The following MYO9B variants were observed in gnomAD, a reference collection of about 807,000 sequenced individuals.
MYO9B encodes the protein unconventional myosin-IXb.
A neutral mutation model predicts 229.5 loss-of-function variants in MYO9B; 71 were observed. That is an observed-to-expected ratio of 0.31 (90% confidence interval 0.26 to 0.38). The LOEUF is 0.38. Ranked by LOEUF, MYO9B falls within the 10% of genes least tolerant of loss-of-function variation. MYO9B has a pLI of 1.00. For missense variants in MYO9B, 2,255 were observed against 2,920.5 expected, an observed-to-expected ratio of 0.77 and a Z score of 5.25; for synonymous variants, 1,185 against 1,235.8, an observed-to-expected ratio of 0.96 and a Z score of 0.86.
intron 15 of MYO9B, 56 bp downstream of exon 15, chr19:17,181,096 C>T: frequency 1.5e-6 from 2 of 1,291,454 alleles, no homozygotes; most frequent in Non-Finnish European, 2.2e-6. Context: ...CCCACTACTC[C>T]TGCGACCCCG....
At chr19:17,076,479 G>T (rs1163125534) in intron 1 of MYO9B, among the ~76,000 whole-genome samples, 2 of 152,114 alleles carry the variant, frequency 1.3e-5, no homozygotes, top group Non-Finnish European at 2.9e-5. Context: ...TAAGAACTGA[G>T]GGTAGGCTTA....
rs2145461064 is a variant in MYO9B at position 17,195,289 on chromosome 19, C to T, written c.3862C>T (p.Pro1288Ser). 1 of 1,612,488 alleles carries T rather than the reference C, an allele frequency of 6.2e-7. No homozygotes were observed. The highest frequency in any genetic ancestry group is 2.2e-5 in the East Asian group (1 of 44,830). Residue 1288 changes from proline to serine, a missense_variant, in exon 22 of 40, where the codon CCC becomes TCC. Coordinates refer to ENST00000682292, the MANE Select transcript of MYO9B (RefSeq NM_004145.4). The surrounding 1 kb of genome is among the most constrained non-coding windows in gnomAD (Gnocchi z 4.5). ...TGGCAGCCCAAGGGTTCAGGAAAAG[C>T]CCGACAGCCCCGGAGGCTCCACGCA... ...PCGSPRVQEK[P>S]DSPGGSTQIQ...
In MYO9B at chr19:17,153,947, C is replaced by T; in HGVS notation, c.999-20C>T. On this transcript the variant is annotated intron_variant, in intron 4 of 39. Transcript: ENST00000682292. The stretch of plus-strand genomic sequence containing the variant: ...TTGGCCTCCAAAAACAACTATTTTC[C>T]TCCCAATTTTGACCTGTAGGAACTA... The T allele has an allele frequency of 6.2e-7, 1 of 1,600,430 alleles. No homozygotes were observed. The highest frequency in any genetic ancestry group is 8.6e-7 in the Non-Finnish European group (1 of 1,167,532).
intron 3 of MYO9B, among the ~76,000 whole-genome samples, chr19:17,151,502 C>A (rs1226026713): frequency 6.6e-6 from 1 of 152,036 alleles, no homozygotes; most frequent in Non-Finnish European, 1.5e-5. Flanking sequence ...ATAAAAGGAC[C>A]AACACCCAAT....
At chr19:17,140,336 G>A (rs1011032015) in intron 2 of MYO9B, among the ~76,000 whole-genome samples, 1 of 152,092 alleles carries the variant, frequency 6.6e-6, no homozygotes, top group African/African-American at 2.4e-5. Context: ...CATTGATGGT[G>A]TTTTTTCCCA....
chr19:17,172,241 A>C lies in MYO9B; in HGVS notation c.1794-95A>C. The stretch of plus-strand genomic sequence containing the variant: ...ACTGCTCTGCCCACCCCATGCACCC[A>C]CCCACCTCGTGCACCAGGGGTCTGC... On this transcript the variant is annotated intron_variant, in intron 11 of 39. Coordinates refer to ENST00000682292, the MANE Select transcript of MYO9B (RefSeq NM_004145.4). The surrounding 1 kb of genome is among the most constrained non-coding windows in gnomAD (Gnocchi z 8.2). 191 of 1,388,976 alleles carry C rather than the reference A, an allele frequency of 1.4e-4. No homozygotes were observed. Among genetic ancestry groups the C allele is most frequent in the East Asian group, 4.4e-4 (17 of 38,372 alleles). The allele number at this position is 1,388,976 out of a possible 1,614,324, so 86.0% of individuals were successfully genotyped here. A position where few individuals can be genotyped will look rare whatever the true frequency, so the allele number is the denominator to read the frequency against.
At chr19:17,163,236 CAT>C in intron 10 of MYO9B, 114 bp downstream of exon 10, 1 of 1,181,424 alleles carries the variant, frequency 8.5e-7, no homozygotes, top group Non-Finnish European at 1.2e-6. Context: ...AGTACATTCA[CAT>C]ATTCGCATTG....
At chr19:17,093,257 T>C (rs1307644490) in intron 1 of MYO9B, among the ~76,000 whole-genome samples, 14 of 151,502 alleles carry the variant, frequency 9.2e-5, no homozygotes. Flanking sequence ...GGCTTGAACC[T>C]GGAGGCAGAG....
chr19:17,096,796 T>G (rs1226606875), intron 1 of MYO9B, among the ~76,000 whole-genome samples: 2 of 149,326 alleles, frequency 1.3e-5, no homozygotes, highest in Non-Finnish European at 3.0e-5. Flanking sequence ...AGCTCCGCCT[T>G]CCGGGTTCAC....
At chr19:17,117,386 C>G (rs2057915276) in intron 2 of MYO9B, among the ~76,000 whole-genome samples, 1 of 152,224 alleles carries the variant, frequency 6.6e-6, no homozygotes, top group African/African-American at 2.4e-5. Context: ...GAACCAGCTC[C>G]TGAAACCAGT....
chr19:17,076,258 CG>C (rs1226002463), intron 1 of MYO9B, among the ~76,000 whole-genome samples: 2 of 151,008 alleles, frequency 1.3e-5, no homozygotes, highest in Admixed American at 1.3e-4. Flanking sequence ...GCGGGACAGC[CG>C]GGGTGCGGTT....
At chr19:17,107,768 A>G (rs2057806242) in intron 2 of MYO9B, among the ~76,000 whole-genome samples, 1 of 152,194 alleles carries the variant, frequency 6.6e-6, no homozygotes, top group Non-Finnish European at 1.5e-5. Flanking sequence ...TCTTATAACA[A>G]GGACACCACT....
Position 17,192,850 on chromosome 19 carries a change from G to A in MYO9B, c.2916G>A (p.Glu972=). ...LLQSWFRMVL[E]RRHFLQMKRA... ...AGAGCTGGTTCCGGATGGTGCTGGA[G>A]CGTCGGCACTTCCTGCAGATGAAGC... Residue 972 remains glutamate, a synonymous_variant, in exon 21 of 40, where the codon GAG becomes GAA. Coordinates refer to ENST00000682292, the MANE Select transcript of MYO9B (RefSeq NM_004145.4). 1.3e-6 allele frequency: 2 copies of A among 1,552,000 alleles called. No individual in the cohort carries two copies. Among genetic ancestry groups the A allele is most frequent in the Non-Finnish European group, 1.7e-6 (2 of 1,147,992 alleles).
chr19:17,077,600 T>A (rs1406892068), intron 1 of MYO9B, among the ~76,000 whole-genome samples: 1 of 152,152 alleles, frequency 6.6e-6, no homozygotes, highest in Non-Finnish European at 1.5e-5. Flanking sequence ...GATCCTGGCT[T>A]TGGTCAAGTC....
At chr19:17,188,153 G>T in intron 19 of MYO9B, 108 bp downstream of exon 19, 6 of 954,282 alleles carry the variant, frequency 6.3e-6, no homozygotes, top group Non-Finnish European at 9.6e-6. Flanking sequence ...GGTTGGCCAG[G>T]TGCAGTGGCT....
chr19:17,077,888 C>T (rs1460355604), intron 1 of MYO9B, among the ~76,000 whole-genome samples: 1 of 152,140 alleles, frequency 6.6e-6, no homozygotes, highest in Non-Finnish European at 1.5e-5. Flanking sequence ...GTTGAAGGTG[C>T]TTTTGCACAT....
intron 3 of MYO9B, among the ~76,000 whole-genome samples, chr19:17,147,807 C>CTT (rs1227509749): frequency 4.7e-5 from 6 of 128,248 alleles, no homozygotes; most frequent in Admixed American, 1.7e-4. Flanking sequence ...TGCCTCAGCT[C>CTT]GAGTAGCTGG....
intron 1 of MYO9B, chr19:17,095,915 C>T (rs533161083): frequency 1.3e-5 from 2 of 152,284 alleles, no homozygotes; most frequent in East Asian, 1.9e-4. Context: ...TGCGCCCCCC[C>T]ACCACGCCTG....
intron 1 of MYO9B, among the ~76,000 whole-genome samples, chr19:17,088,023 C>G (rs1201198608): frequency 6.6e-6 from 1 of 152,132 alleles, no homozygotes; most frequent in Admixed American, 6.6e-5. Flanking sequence ...TAGCTTGAAC[C>G]CAGGAGGTGG....
Sources: allele counts gnomAD v4.1 joint callset (sites outside exome capture counted in the v4.1 genomes callset), GRCh38; gene constraint gnomAD v4.1.1; non-coding constraint Gnocchi (gnomAD v3.1); transcripts MANE v1.5; gene names NCBI Gene and HGNC (gene_info 2026-07-23, HGNC 2026-07-21).